Variants in GLDC observed in about 807,000 individuals in gnomAD.
The protein encoded by GLDC is glycine decarboxylase.
Under a neutral mutation model 121.3 loss-of-function variants are expected in GLDC, and 104 were observed. That is an observed-to-expected ratio of 0.86 (90% confidence interval 0.73 to 1.01). GLDC has a LOEUF of 1.01. GLDC is among the 50% of genes least tolerant of loss of function. The pLI is 0.00. For missense variants in GLDC, 1,429 were observed against 1,306.6 expected, an observed-to-expected ratio of 1.09 and a Z score of -1.44; for synonymous variants, 546 against 480.6, an observed-to-expected ratio of 1.14 and a Z score of -1.78.
chr9:6,612,980 C>T (rs1238502185), intron 3 of GLDC, among the ~76,000 whole-genome samples: 14 of 152,120 alleles, frequency 9.2e-5, no homozygotes, highest in Admixed American at 9.2e-4. Context: ...AAAATAAATA[C>T]ATAAAATACA....
intron 4 of GLDC, 29 bp from the exon 5 acceptor site, chr9:6,606,698 G>T: frequency 7.9e-7 from 1 of 1,273,076 alleles, no homozygotes; most frequent in Non-Finnish European, 1.1e-6. Context: ...ACATTCCAAC[G>T]TGAACATTAA....
chr9:6,559,234 G>T (rs1259677027), intron 16 of GLDC, among the ~76,000 whole-genome samples: 1 of 152,174 alleles, frequency 6.6e-6, no homozygotes, highest in Non-Finnish European at 1.5e-5. Context: ...GATCAACCCG[G>T]CCAGGTGCAG....
intron 14 of GLDC, among the ~76,000 whole-genome samples, chr9:6,587,751 G>A (rs1448132814): frequency 1.3e-5 from 2 of 152,154 alleles, no homozygotes; most frequent in Non-Finnish European, 2.9e-5. Context: ...ACTGCTTGAG[G>A]CCAGGAGTCT....
At chr9:6,594,027 C>G (rs1219846025) in intron 9 of GLDC, among the ~76,000 whole-genome samples, 12 of 151,822 alleles carry the variant, frequency 7.9e-5, no homozygotes, top group Admixed American at 6.6e-5. Context: ...TGGTCTCGCT[C>G]TTGCCCACGC....
At chr9:6,582,490 C>T (rs906856108) in intron 15 of GLDC, among the ~76,000 whole-genome samples, 3 of 151,516 alleles carry the variant, frequency 2.0e-5, no homozygotes, top group African/African-American at 7.3e-5. Flanking sequence ...CACTGCGCTC[C>T]AGGCTGGACA....
intron 15 of GLDC, among the ~76,000 whole-genome samples, chr9:6,571,955 G>C (rs569227616): frequency 6.6e-6 from 1 of 152,282 alleles, no homozygotes; most frequent in East Asian, 1.9e-4. Flanking sequence ...ATGGAGGAAA[G>C]ATCGCCTTTT....
chr9:6,600,627 G>A (rs926408930), intron 8 of GLDC, among the ~76,000 whole-genome samples: 4 of 151,226 alleles, frequency 2.6e-5, no homozygotes, highest in South Asian at 4.2e-4. Flanking sequence ...CCAAGATTGC[G>A]CCACCCCATT....
intron 11 of GLDC, among the ~76,000 whole-genome samples, chr9:6,590,832 C>T (rs1818360899): frequency 6.6e-6 from 1 of 152,146 alleles, no homozygotes; most frequent in Admixed American, 6.5e-5. Context: ...TAACTCAGTC[C>T]TGTTTAATTG....
chr9:6,645,214 A>C, intron 1 of GLDC, 31 bp downstream of exon 1: 1 of 1,554,954 alleles, frequency 6.4e-7, no homozygotes. Context: ...GGCGGAGGGG[A>C]GGCCGCGGAG....
intron 15 of GLDC, among the ~76,000 whole-genome samples, chr9:6,577,253 T>C (rs528324432): frequency 6.6e-6 from 1 of 152,264 alleles, no homozygotes; most frequent in East Asian, 1.9e-4. Flanking sequence ...AGTTGTATTC[T>C]GAGTCCACTT....
intron 4 of GLDC, among the ~76,000 whole-genome samples, chr9:6,607,294 G>A (rs1818754597): frequency 6.6e-6 from 1 of 151,466 alleles, no homozygotes; most frequent in South Asian, 2.1e-4. Context: ...AGATACAAGT[G>A]TAAACTGGAC....
intron 8 of GLDC, among the ~76,000 whole-genome samples, chr9:6,598,023 G>A (rs1238371991): frequency 6.6e-6 from 1 of 152,116 alleles, no homozygotes; most frequent in South Asian, 2.1e-4. Flanking sequence ...AGAAAAAATT[G>A]TTTCTTTTCC....
intron 15 of GLDC, among the ~76,000 whole-genome samples, chr9:6,577,925 T>C (rs1818103020): frequency 6.6e-6 from 1 of 151,820 alleles, no homozygotes; most frequent in African/African-American, 2.4e-5. Context: ...TTAAGATCTT[T>C]CTTCTTTTTT....
At chr9:6,554,903 C>A in intron 18 of GLDC, 122 bp from the exon 19 acceptor site, 1 of 750,800 alleles carries the variant, frequency 1.3e-6, no homozygotes, top group East Asian at 2.7e-5. Flanking sequence ...GAGCCACATC[C>A]ATGGTGTTCA....
intron 2 of GLDC, among the ~76,000 whole-genome samples, chr9:6,620,954 G>C (rs1438116673): frequency 6.6e-6 from 1 of 152,158 alleles, no homozygotes; most frequent in African/African-American, 2.4e-5. Flanking sequence ...GATCACCTGA[G>C]GTCAGGAGTT....
At chr9:6,644,571 G>A in intron 2 of GLDC, 43 bp downstream of exon 2, 1 of 1,294,316 alleles carries the variant, frequency 7.7e-7, no homozygotes, top group Non-Finnish European at 1.1e-6. Flanking sequence ...AGACAAATAG[G>A]CCAGAATAAT....
intron 3 of GLDC, among the ~76,000 whole-genome samples, chr9:6,614,950 A>G (rs1223289850): frequency 6.6e-6 from 1 of 152,250 alleles, no homozygotes; most frequent in Admixed American, 6.5e-5. Flanking sequence ...CTAAATACAG[A>G]AAAGGTACAG....
At position 6,534,781 on chromosome 9, in the gene GLDC, G is replaced by A. The variant is rs386833570; in HGVS notation, c.2846C>T (p.Pro949Leu). 1.3e-6 allele frequency: 2 copies of A among 1,590,238 alleles called. No homozygotes were observed. The highest frequency in any genetic ancestry group is 1.7e-6 in the Non-Finnish European group (2 of 1,158,352). Residue 949 changes from proline (P) to leucine (L), a missense_variant, in exon 24 of 25, where the codon CCA (proline) becomes CTA (leucine). Pro to Leu is a moderately conservative substitution (Grantham distance 98). Coordinates refer to ENST00000321612, the MANE Select transcript of GLDC (RefSeq NM_000170.3). ...AGATGTAACGCAGGTCAGGGAGTGTGGAGACATCTGAGACAGAGACACGGA... is the reference window on the plus strand; with the variant it reads ...AGATGTAACGCAGGTCAGGGAGTGTAGAGACATCTGAGACAGAGACACGGA... ...DPRVNPLKMS[P>L]HSLTCVTSSH...
chr9:6,551,606 G>A (rs1008338512), intron 20 of GLDC, among the ~76,000 whole-genome samples: 1 of 152,178 alleles, frequency 6.6e-6, no homozygotes, highest in Non-Finnish European at 1.5e-5. Flanking sequence ...GTATCATTAA[G>A]GGGGTCCAAA....
Sources: allele counts gnomAD v4.1 joint callset (sites outside exome capture counted in the v4.1 genomes callset), GRCh38; gene constraint gnomAD v4.1.1; transcripts MANE v1.5; gene names NCBI Gene and HGNC (gene_info 2026-07-23, HGNC 2026-07-21).